Variants in RIMBP2 observed in about 807,000 individuals in gnomAD.
RIMBP2 encodes RIMS binding protein 2.
In RIMBP2, 48 loss-of-function variants were observed where a neutral mutation model predicts 118.6. That is an observed-to-expected ratio of 0.40 (90% confidence interval 0.32 to 0.51). RIMBP2 has a LOEUF of 0.51. Among genes scored for constraint, RIMBP2 ranks in the 20% least tolerant of loss-of-function variants. RIMBP2 has a pLI of 0.41. For missense variants in RIMBP2, 1,551 were observed against 1,768.3 expected, an observed-to-expected ratio of 0.88 and a Z score of 2.20; for synonymous variants, 762 against 742.9, an observed-to-expected ratio of 1.03 and a Z score of -0.42.
intron 2 of RIMBP2, among the ~76,000 whole-genome samples, chr12:130,582,066 G>A (rs1229218560): frequency 5.3e-5 from 8 of 151,924 alleles, no homozygotes; most frequent in African/African-American, 1.9e-4. Flanking sequence ...CCCACGTAAG[G>A]TCTTTCAGAG....
chr12:130,428,006 T>C, intron 15 of RIMBP2, 173 bp downstream of exon 15: 1 of 600,062 alleles, frequency 1.7e-6, no homozygotes. Context: ...GACAGGAGTG[T>C]AGGTAATTCC....
At chr12:130,555,335 T>C (rs2056246802) in intron 2 of RIMBP2, among the ~76,000 whole-genome samples, 1 of 152,216 alleles carries the variant, frequency 6.6e-6, no homozygotes, top group African/African-American at 2.4e-5. Context: ...AAAGCCCATG[T>C]TGGCTCCTGG....
At position 130,550,040 on chromosome 12, in the gene RIMBP2, A is replaced by G. The variant is rs553536873; in HGVS notation, c.-216-32123T>C. 7.2e-5 allele frequency among the ~76,000 whole-genome samples: 11 copies of G among 152,326 alleles called. No individual in the cohort carries two copies. In the South Asian group the frequency reaches 2.3e-3, roughly 32 times the overall value. On this transcript the variant is annotated intron_variant, in intron 2 of 22. Coordinates refer to ENST00000690449, the MANE Select transcript of RIMBP2 (RefSeq NM_001393629.1). ...TCTGTTACTTTTTGGCTTTTTAACA[A>G]TAGCCATTCTGACAGGTGCGAGATT... is the stretch of plus-strand genomic sequence containing the variant.
chr12:130,618,570 C>T (rs547399221), intron 2 of RIMBP2, among the ~76,000 whole-genome samples: 146 of 152,076 alleles, frequency 9.6e-4, no homozygotes, highest in African/African-American at 3.2e-3. Context: ...TGTATTTGCC[C>T]TTTTGCCTAG....
chr12:130,569,199 C>T (rs890757058), intron 2 of RIMBP2, among the ~76,000 whole-genome samples: 9 of 152,216 alleles, frequency 5.9e-5, no homozygotes, highest in African/African-American at 2.2e-4. Flanking sequence ...TCATCCGGCT[C>T]TAAGTGAACC....
intron 2 of RIMBP2, among the ~76,000 whole-genome samples, chr12:130,625,984 T>TAA (rs1172510936): frequency 1.3e-5 from 2 of 152,214 alleles, no homozygotes; most frequent in Non-Finnish European, 2.9e-5. Context: ...GGCATACAGA[T>TAA]AAACATATTG....
chr12:130,659,885 A>G (rs1469700509), intron 1 of RIMBP2: 1 of 151,740 alleles, frequency 6.6e-6, no homozygotes, highest in East Asian at 2.0e-4. Context: ...AAGACAGGAG[A>G]ATTGCTTGAA....
chr12:130,516,810 C>G (rs530563746), intron 3 of RIMBP2, among the ~76,000 whole-genome samples: 1 of 152,202 alleles, frequency 6.6e-6, no homozygotes, highest in East Asian at 1.9e-4. Flanking sequence ...TTGGAAGGGT[C>G]AGAGGATTGC....
chr12:130,535,958 G>T (rs566012009), intron 2 of RIMBP2, among the ~76,000 whole-genome samples: 1 of 151,670 alleles, frequency 6.6e-6, no homozygotes, highest in South Asian at 2.1e-4. Flanking sequence ...TTTTGTTGTT[G>T]TTGTATTTTT....
chr12:130,521,828 C>CT (rs2052157940), intron 2 of RIMBP2, among the ~76,000 whole-genome samples: 1 of 152,210 alleles, frequency 6.6e-6, no homozygotes, highest in Non-Finnish European at 1.5e-5. Flanking sequence ...AATGTAATGG[C>CT]TTTTTTTCCA....
chr12:130,537,662 A>G (rs1368401951), intron 2 of RIMBP2, among the ~76,000 whole-genome samples: 1 of 152,236 alleles, frequency 6.6e-6, no homozygotes, highest in Non-Finnish European at 1.5e-5. Context: ...CACCTCATGC[A>G]GAATTCTCAG....
Position 130,450,281 on chromosome 12 carries a change from GA to G in RIMBP2, c.505-6del. 3 of 1,602,386 alleles carry G rather than the reference GA, an allele frequency of 1.9e-6. No individual in the cohort carries two copies. Among genetic ancestry groups the G allele is most frequent in the South Asian group, 1.1e-5 (1 of 89,350 alleles). On this transcript the variant is annotated splice_region_variant and splice_polypyrimidine_tract_variant and intron_variant, in intron 8 of 22. Transcript: ENST00000690449. The surrounding 1 kb of genome is among the most constrained non-coding windows in gnomAD (Gnocchi z 4.8). ...GGAATTCCGTTCATTCTCCATCTGT[GA>G]AAAAGGCAATGGGTGTGTGGGTTAT...
chr12:130,681,297 A>AAT (rs151163070), intron 1 of RIMBP2, among the ~76,000 whole-genome samples: 29,724 of 150,946 alleles, frequency 0.2, 3,024 homozygotes, highest in East Asian at 0.23. Context: ...ATAAAAAATA[A>AAT]AAATAAATGC....
At position 130,447,748 on chromosome 12, in the gene RIMBP2, G is replaced by T. The variant is rs565748728; in HGVS notation, c.581+2452C>A. Among the ~76,000 whole-genome samples, 13 of 152,316 alleles carry T rather than the reference G, an allele frequency of 8.5e-5. No individual in the cohort carries two copies. The highest frequency in any genetic ancestry group is 3.4e-3 in the Middle Eastern group (1 of 294). On this transcript the variant is annotated intron_variant, in intron 9 of 22. Transcript: ENST00000690449. This position sits in a 1 kb window ranked among gnomAD's most constrained non-coding sequence, Gnocchi z 4.4. The stretch of plus-strand genomic sequence containing the variant: ...CAGCCTCACCCTGGACCTCGGGTGG[G>T]AAGGACCCAGGAGCCCTCAGCAAGG...
intron 19 of RIMBP2, among the ~76,000 whole-genome samples, chr12:130,410,109 A>G (rs540898797): frequency 7.2e-5 from 11 of 152,312 alleles, no homozygotes; most frequent in African/African-American, 2.6e-4. Context: ...TTGGTTTCTC[A>G]GGGTGGTTTT....
intron 10 of RIMBP2, among the ~76,000 whole-genome samples, chr12:130,443,880 G>A (rs1024311661): frequency 2.0e-5 from 3 of 152,154 alleles, no homozygotes; most frequent in Non-Finnish European, 2.9e-5. Context: ...AGCTCTATCC[G>A]AAGACCGTCG....
intron 1 of RIMBP2, among the ~76,000 whole-genome samples, chr12:130,639,274 A>G (rs1337239442): frequency 6.6e-6 from 1 of 151,706 alleles, no homozygotes; most frequent in African/African-American, 2.4e-5. Context: ...CTGTAATCTC[A>G]GCTACTCAGG....
intron 4 of RIMBP2, among the ~76,000 whole-genome samples, chr12:130,479,820 T>C (rs1482002568): frequency 6.6e-6 from 1 of 151,608 alleles, no homozygotes; most frequent in East Asian, 2.0e-4. Context: ...CCTCTCCCCC[T>C]GACAATCCGT....
At chr12:130,585,937 G>A (rs1057471023) in intron 2 of RIMBP2, among the ~76,000 whole-genome samples, 2 of 152,208 alleles carry the variant, frequency 1.3e-5, no homozygotes, top group African/African-American at 4.8e-5. Flanking sequence ...GAAAAGAGAG[G>A]AGGAAATGGG....
Sources: gnomAD v4.1 joint callset for allele counts (sites outside exome capture counted in the v4.1 genomes callset) on GRCh38, gnomAD v4.1.1 for gene constraint, Gnocchi (gnomAD v3.1) non-coding constraint, MANE v1.5 for transcripts, NCBI Gene and HGNC (gene_info 2026-07-23, HGNC 2026-07-21) for gene names.